Variants in SYNDIG1 observed in about 807,000 individuals in gnomAD.
SYNDIG1 encodes the protein synapse differentiation-inducing gene protein 1.
A neutral mutation model predicts 19.4 loss-of-function variants in SYNDIG1; 9 were observed. That is an observed-to-expected ratio of 0.46 (90% CI 0.28 to 0.81). SYNDIG1 has a LOEUF of 0.81. SYNDIG1 is among the 30% of genes least tolerant of loss of function. The probability of loss-of-function intolerance (pLI) is 0.12; values close to 1 mark genes in which losing one functional copy is unlikely to be tolerated. For missense variants in SYNDIG1, 311 were observed against 343.3 expected, an observed-to-expected ratio of 0.91 and a Z score of 0.74; for synonymous variants, 141 against 145.9, an observed-to-expected ratio of 0.97 and a Z score of 0.24.
intron 1 of SYNDIG1, among the ~76,000 whole-genome samples, chr20:24,508,246 T>TG (rs2056651015): frequency 7.1e-6 from 1 of 141,502 alleles, no homozygotes; most frequent in Non-Finnish European, 1.5e-5. Flanking sequence ...TTTTTTTTTT[T>TG]GTGACAGAGT....
chr20:24,525,047 C>CTGCAT (rs1446630655), intron 1 of SYNDIG1, among the ~76,000 whole-genome samples: 1 of 151,812 alleles, frequency 6.6e-6, no homozygotes, highest in Non-Finnish European at 1.5e-5. Context: ...TACATATTTC[C>CTGCAT]CTCTTCTCCT....
intron 3 of SYNDIG1, among the ~76,000 whole-genome samples, chr20:24,645,555 G>T (rs2059415226): frequency 6.6e-6 from 1 of 152,192 alleles, no homozygotes; most frequent in African/African-American, 2.4e-5. Flanking sequence ...AAAGAGGGAA[G>T]TGAGGGGGGA....
chr20:24,648,309 T>C (rs1447770436), intron 3 of SYNDIG1, among the ~76,000 whole-genome samples: 1 of 152,242 alleles, frequency 6.6e-6, no homozygotes, highest in Non-Finnish European at 1.5e-5. Context: ...TGGAGGTTTA[T>C]GATCTGCTGC....
intron 2 of SYNDIG1, among the ~76,000 whole-genome samples, chr20:24,558,428 T>C (rs2057870055): frequency 6.6e-6 from 1 of 152,238 alleles, no homozygotes; most frequent in Non-Finnish European, 1.5e-5. Flanking sequence ...TTACAATTGA[T>C]TTTTGTAAAT....
intron 3 of SYNDIG1, among the ~76,000 whole-genome samples, chr20:24,604,995 T>A (rs2058733794): frequency 6.6e-6 from 1 of 152,172 alleles, no homozygotes; most frequent in South Asian, 2.1e-4. Flanking sequence ...AGATTCAGAA[T>A]CAGCCCAAAA....
rs1258358069 is a variant in SYNDIG1 at position 24,586,783 on chromosome 20, AGGG to A, written c.618+1792_618+1794del. Among the ~76,000 whole-genome samples the A allele has an allele frequency of 2.0e-5, 3 of 152,336 alleles. No individual in the cohort carries two copies. In the East Asian group the frequency reaches 5.8e-4, roughly 29 times the overall value. On this transcript the variant is annotated intron_variant, in intron 3 of 3. Transcript: ENST00000376862. ...GGATGGAAGCCCTGGATAGATGGCA[AGGG>A]GCCACAGGGAGAGGCTGCCTACGTG...
chr20:24,665,887 A>C lies in SYNDIG1; in HGVS notation c.*383A>C. On this transcript the variant is annotated 3_prime_UTR_variant, in exon 4 of 4. Transcript: ENST00000376862. ...TTTATTTTTTATGGAATACGGTGCA[A>C]TAGGCAGAGGACAAGGGACACATCA... 4.7e-6 allele frequency: 1 copy of C among 213,274 alleles called. No individual in the cohort carries two copies. The allele number at this position is 213,274 out of a possible 1,614,324, so 13.2% of individuals were successfully genotyped here. A position where few individuals can be genotyped will look rare whatever the true frequency, so the allele number is the denominator to read the frequency against.
intron 3 of SYNDIG1, among the ~76,000 whole-genome samples, chr20:24,620,246 T>C (rs2059017600): frequency 6.6e-6 from 1 of 152,250 alleles, no homozygotes; most frequent in Non-Finnish European, 1.5e-5. Context: ...TTTTTCATTA[T>C]GCTCATGATT....
intron 1 of SYNDIG1, among the ~76,000 whole-genome samples, chr20:24,483,316 G>A (rs2055850852): frequency 6.6e-6 from 1 of 152,108 alleles, no homozygotes; most frequent in African/African-American, 2.4e-5. Context: ...CAGGCATGGG[G>A]TTACATGTGG....
At chr20:24,588,409 C>A (rs2058452434) in intron 3 of SYNDIG1, among the ~76,000 whole-genome samples, 2 of 152,236 alleles carry the variant, frequency 1.3e-5, no homozygotes. Context: ...TGGCTGACCA[C>A]CTACTGTGCG....
intron 2 of SYNDIG1, among the ~76,000 whole-genome samples, chr20:24,580,666 C>T (rs2058307531): frequency 6.6e-6 from 1 of 152,172 alleles, no homozygotes; most frequent in Non-Finnish European, 1.5e-5. Context: ...ACCTCAGCCT[C>T]CCAAAGTGCT....
At chr20:24,480,266 TA>T (rs757267900) in intron 1 of SYNDIG1, among the ~76,000 whole-genome samples, 8 of 152,232 alleles carry the variant, frequency 5.3e-5, no homozygotes, top group Non-Finnish European at 1.2e-4. Context: ...GTAAGACCTA[TA>T]TAATGCTATT....
At chr20:24,550,695 A>T (rs928151223) in intron 2 of SYNDIG1, among the ~76,000 whole-genome samples, 4 of 151,906 alleles carry the variant, frequency 2.6e-5, no homozygotes, top group Non-Finnish European at 5.9e-5. Context: ...TATTTTTAGT[A>T]GATACGGGGT....
chr20:24,624,010 C>T (rs1678716556), intron 3 of SYNDIG1, among the ~76,000 whole-genome samples: 1 of 151,840 alleles, frequency 6.6e-6, no homozygotes, highest in South Asian at 2.1e-4. Flanking sequence ...CACCTGTAAT[C>T]CCAGCACTTT....
chr20:24,474,543 A>G (rs1368947378), intron 1 of SYNDIG1, among the ~76,000 whole-genome samples: 1 of 152,246 alleles, frequency 6.6e-6, no homozygotes, highest in African/African-American at 2.4e-5. Flanking sequence ...TTCAGTTAGC[A>G]TTATTTCAGA....
chr20:24,614,432 G>A (rs909616635), intron 3 of SYNDIG1, among the ~76,000 whole-genome samples: 1 of 152,194 alleles, frequency 6.6e-6, no homozygotes, highest in Admixed American at 6.5e-5. Context: ...GAGTGAAGTA[G>A]GGAGGCAACA....
intron 2 of SYNDIG1, among the ~76,000 whole-genome samples, chr20:24,574,956 A>G (rs1442914141): frequency 6.6e-6 from 1 of 152,180 alleles, no homozygotes; most frequent in Non-Finnish European, 1.5e-5. Flanking sequence ...ATTAACAGAG[A>G]CAGTTCTCTT....
chr20:24,529,404 A>C lies in SYNDIG1; in HGVS notation c.-78-13616A>C, dbSNP rs914519890. ...GAAGGGATGATGGCTAGGAATCAGT[A>C]AAATTTTTCTGTAAAGAGTCAGATA... is the stretch of plus-strand genomic sequence containing the variant. On this transcript the variant is annotated intron_variant, in intron 1 of 3. Transcript: ENST00000376862. 3.3e-5 allele frequency among the ~76,000 whole-genome samples: 5 copies of C among 151,954 alleles called. No individual in the cohort carries two copies. In the East Asian group the frequency reaches 9.7e-4, roughly 29 times the overall value.
rs2056958614 is a variant in SYNDIG1 at position 24,519,520 on chromosome 20, A to C, written c.-78-23500A>C. ...TTATGATGTGAATGATGAGCTGGCC[A>C]TGTTGTCACTTCTGGGTTCACTTCT... On this transcript the variant is annotated intron_variant, in intron 1 of 3. Coordinates refer to ENST00000376862, the MANE Select transcript of SYNDIG1 (RefSeq NM_024893.3). Among the ~76,000 whole-genome samples, 3 of 152,322 alleles carry C rather than the reference A, an allele frequency of 2.0e-5. No homozygotes were observed. In the South Asian group the frequency reaches 6.2e-4, roughly 32 times the overall value.
Sources: allele counts gnomAD v4.1 joint callset (sites outside exome capture counted in the v4.1 genomes callset), GRCh38; gene constraint gnomAD v4.1.1; transcripts MANE v1.5; gene names NCBI Gene and HGNC (gene_info 2026-07-23, HGNC 2026-07-21).